Variants in PPP3R1 observed in about 807,000 individuals in gnomAD.
PPP3R1 encodes protein phosphatase 3 regulatory subunit B, alpha.
Under a neutral mutation model 22.6 loss-of-function variants are expected in PPP3R1, and 5 were observed. The ratio of observed to expected loss-of-function variants is 0.22; its 90% confidence interval spans 0.12 to 0.46. PPP3R1 has a LOEUF of 0.46. Ranked by LOEUF, PPP3R1 falls within the 20% of genes least tolerant of loss-of-function variation. The pLI, the probability that PPP3R1 is intolerant of heterozygous loss-of-function variation, is 0.99. For missense variants in PPP3R1, 61 were observed against 203.2 expected, an observed-to-expected ratio of 0.30 and a Z score of 4.25; for synonymous variants, 56 against 65.2, an observed-to-expected ratio of 0.86 and a Z score of 0.68.
chr2:68,179,364 C>T lies in PPP3R1; in HGVS notation c.*1599G>A, dbSNP rs150911779. 2.6e-4 allele frequency: 40 copies of T among 152,714 alleles called. No individual in the cohort carries two copies. In the East Asian group the frequency reaches 6.2e-3, roughly 24 times the overall value. The allele number at this position is 152,714 out of a possible 1,614,324, so 9.5% of individuals were successfully genotyped here. On this transcript the variant is annotated 3_prime_UTR_variant, in exon 6 of 6. Coordinates refer to ENST00000234310, the MANE Select transcript of PPP3R1 (RefSeq NM_000945.4). ...ATGCAAATTATGTAAACAAGAGGTA[C>T]ATTTTAAATTGATCTACATGCAAAA... is the stretch of plus-strand genomic sequence containing the variant.
At chr2:68,188,157 G>C (rs1034690270) in intron 3 of PPP3R1, among the ~76,000 whole-genome samples, 1 of 152,094 alleles carries the variant, frequency 6.6e-6, no homozygotes. Flanking sequence ...GCAAAAGAGC[G>C]AGACTCCATC....
intron 1 of PPP3R1, among the ~76,000 whole-genome samples, chr2:68,232,976 C>A (rs979256118): frequency 3.3e-5 from 5 of 152,130 alleles, no homozygotes; most frequent in South Asian, 2.1e-4. Context: ...AGGCTACTAT[C>A]TACTATAATC....
intron 1 of PPP3R1, among the ~76,000 whole-genome samples, chr2:68,237,656 C>A (rs1057509237): frequency 5.9e-5 from 9 of 152,152 alleles, no homozygotes; most frequent in African/African-American, 2.2e-4. Context: ...TCTAGCACTT[C>A]ATAGTAGCGC....
At chr2:68,212,112 G>C (rs900433580) in intron 2 of PPP3R1, among the ~76,000 whole-genome samples, 7 of 151,940 alleles carry the variant, frequency 4.6e-5, no homozygotes, top group Admixed American at 4.6e-4. Flanking sequence ...ACAAGGTCTC[G>C]CTCTGTCGCC....
chr2:68,250,560 G>C (rs1670328142), intron 1 of PPP3R1, among the ~76,000 whole-genome samples: 1 of 152,202 alleles, frequency 6.6e-6, no homozygotes, highest in African/African-American at 2.4e-5. Flanking sequence ...TTCTATTAAA[G>C]CACTGAAATG....
At chr2:68,232,553 G>A (rs1669938722) in intron 1 of PPP3R1, among the ~76,000 whole-genome samples, 1 of 151,972 alleles carries the variant, frequency 6.6e-6, no homozygotes, top group African/African-American at 2.4e-5. Flanking sequence ...AGAACCAGTA[G>A]ACTATGGATC....
intron 1 of PPP3R1, among the ~76,000 whole-genome samples, chr2:68,219,347 T>C (rs1669641204): frequency 1.3e-5 from 2 of 152,228 alleles, no homozygotes; most frequent in African/African-American, 4.8e-5. Flanking sequence ...ATATGGTCAA[T>C]ATAATTTTGT....
intron 5 of PPP3R1, among the ~76,000 whole-genome samples, chr2:68,181,337 G>A (rs538022137): frequency 4.0e-5 from 6 of 150,174 alleles, no homozygotes; most frequent in Non-Finnish European, 7.4e-5. Flanking sequence ...AGGCTGCAGT[G>A]AGCCTATATC....
chr2:68,187,393 C>G, intron 3 of PPP3R1, 79 bp from the exon 4 acceptor site: 1 of 1,232,030 alleles, frequency 8.1e-7, no homozygotes, highest in East Asian at 2.5e-5. Context: ...TACATACCCA[C>G]AAAAGGATAT....
At chr2:68,181,318 G>A (rs762602167) in intron 5 of PPP3R1, among the ~76,000 whole-genome samples, 28 of 151,644 alleles carry the variant, frequency 1.8e-4, no homozygotes, top group East Asian at 1.9e-4. Context: ...GCTTGAACCC[G>A]GGAGTTGGAG....
intron 2 of PPP3R1, among the ~76,000 whole-genome samples, chr2:68,198,964 T>C (rs2103741658): frequency 6.6e-6 from 1 of 151,920 alleles, no homozygotes. Context: ...TCATCTTTAT[T>C]TGTATTATTA....
At chr2:68,191,598 G>A (rs536941455) in intron 2 of PPP3R1, among the ~76,000 whole-genome samples, 49 of 152,240 alleles carry the variant, frequency 3.2e-4, no homozygotes, top group South Asian at 1.0e-3. Context: ...AATGCAACTC[G>A]TTGTTAAGTG....
rs111686319 is a variant in PPP3R1, at chr2:68,214,936, C to G, written c.43+2156G>C. On this transcript the variant is annotated intron_variant, in intron 2 of 5. Transcript: ENST00000234310. ...ATAAAGAAAATGAGGTACATATACA[C>G]CATGGTATACTACGCAGCCATAAAA... Among the ~76,000 whole-genome samples, 7 of 152,230 alleles carry G rather than the reference C, an allele frequency of 4.6e-5. 1 individual carries two copies. The highest frequency in any genetic ancestry group is 1.7e-4 in the African/African-American group (7 of 41,514).
chr2:68,225,411 G>A (rs534530517), intron 1 of PPP3R1, among the ~76,000 whole-genome samples: 1 of 152,298 alleles, frequency 6.6e-6, no homozygotes, highest in South Asian at 2.1e-4. Context: ...GACCTCTAGT[G>A]AACAGGAGCA....
intron 5 of PPP3R1, 104 bp from the exon 6 acceptor site, chr2:68,181,114 G>C: frequency 8.9e-7 from 1 of 1,121,346 alleles, no homozygotes; most frequent in Non-Finnish European, 1.3e-6. Flanking sequence ...AGGGGGCTGG[G>C]CGTGGTGGCT....
At chr2:68,243,042 T>C (rs1386303870) in intron 1 of PPP3R1, among the ~76,000 whole-genome samples, 2 of 152,196 alleles carry the variant, frequency 1.3e-5, no homozygotes, top group Non-Finnish European at 2.9e-5. Context: ...TAACATCTCA[T>C]CTACAGGAAT....
At chr2:68,212,705 C>T (rs1285697458) in intron 2 of PPP3R1, among the ~76,000 whole-genome samples, 1 of 152,178 alleles carries the variant, frequency 6.6e-6, no homozygotes, top group South Asian at 2.1e-4. Context: ...AGCTGTGCTG[C>T]CATTTAGGCT....
intron 2 of PPP3R1, among the ~76,000 whole-genome samples, chr2:68,196,179 T>A (rs773458618): frequency 1.3e-5 from 2 of 152,192 alleles, no homozygotes; most frequent in East Asian, 3.8e-4. Context: ...AAAAACCTCA[T>A]AGTGTTATCA....
intron 5 of PPP3R1, among the ~76,000 whole-genome samples, chr2:68,183,081 C>T (rs1674448789): frequency 6.6e-6 from 1 of 152,222 alleles, no homozygotes; most frequent in South Asian, 2.1e-4. Context: ...CTGGATCCTA[C>T]ACTCTCTACT....
Sources: allele counts gnomAD v4.1 joint callset (sites outside exome capture counted in the v4.1 genomes callset), GRCh38; gene constraint gnomAD v4.1.1; transcripts MANE v1.5; gene names NCBI Gene and HGNC (gene_info 2026-07-23, HGNC 2026-07-21).